CNTNAP2: variants seen among roughly 807,000 people sequenced by gnomAD.
CNTNAP2 encodes contactin-associated protein-like 2.
Under a neutral mutation model 155.2 loss-of-function variants are expected in CNTNAP2, and 98 were observed. That is an observed-to-expected ratio of 0.63 (90% CI 0.54 to 0.75). The LOEUF is 0.75. CNTNAP2 is among the 30% of genes least tolerant of loss of function. CNTNAP2 has a pLI of 0.00. For synonymous variants in CNTNAP2, 651 were observed against 631.2 expected (o/e 1.03, Z -0.47); for missense variants, 1,727 against 1,688.1 (o/e 1.02, Z -0.40).
intron 21 of CNTNAP2, among the ~76,000 whole-genome samples, chr7:148,294,910 C>T (rs1342943549): frequency 2.6e-5 from 4 of 152,044 alleles, no homozygotes; most frequent in Non-Finnish European, 5.9e-5. Flanking sequence ...AATTGTGTTA[C>T]CAACCAGCAT....
chr7:147,138,070 G>C (rs1801523657), intron 8 of CNTNAP2, among the ~76,000 whole-genome samples: 1 of 151,776 alleles, frequency 6.6e-6, no homozygotes, highest in African/African-American at 2.4e-5. Context: ...TACAAAATAA[G>C]TGGCTAAAAA....
At chr7:148,179,319 G>A (rs750648826) in intron 18 of CNTNAP2, among the ~76,000 whole-genome samples, 1 of 152,082 alleles carries the variant, frequency 6.6e-6, no homozygotes, top group Non-Finnish European at 1.5e-5. Flanking sequence ...GACCAGCCTG[G>A]GCAACATAGT....
intron 4 of CNTNAP2, among the ~76,000 whole-genome samples, chr7:147,095,530 T>A (rs954080664): frequency 6.6e-6 from 1 of 151,476 alleles, no homozygotes; most frequent in Admixed American, 6.6e-5. Context: ...TATGTATATA[T>A]ATATATTTTC....
intron 1 of CNTNAP2, among the ~76,000 whole-genome samples, chr7:146,656,458 G>A (rs1454751048): frequency 6.6e-6 from 1 of 152,178 alleles, no homozygotes; most frequent in African/African-American, 2.4e-5. Context: ...ACTGATCCAT[G>A]TCAAATTCAG....
intron 1 of CNTNAP2, among the ~76,000 whole-genome samples, chr7:146,616,078 C>A (rs1346046976): frequency 6.6e-6 from 1 of 151,842 alleles, no homozygotes; most frequent in East Asian, 1.9e-4. Flanking sequence ...TTGTTTTTTT[C>A]CTATTGCAGT....
rs564223758 is a variant in CNTNAP2, at chr7:146,264,282, A to G, written c.97+147309A>G. The stretch of plus-strand genomic sequence containing the variant: ...AACGTGATGAAACCCCATCTCTACT[A>G]AAAAATACAAAAACTAAAAATTAGC... On this transcript the variant is annotated intron_variant, in intron 1 of 23. Transcript: ENST00000361727. Among the ~76,000 whole-genome samples, 17 of 151,852 alleles carry G rather than the reference A, an allele frequency of 1.1e-4. No homozygotes were observed. The South Asian group carries it at 3.5e-3, about 32-fold the overall frequency.
At chr7:146,475,159 T>C (rs1796859770) in intron 1 of CNTNAP2, among the ~76,000 whole-genome samples, 1 of 152,236 alleles carries the variant, frequency 6.6e-6, no homozygotes, top group Admixed American at 6.5e-5. Context: ...TTTGAACTTT[T>C]GGATAACAAA....
At chr7:146,823,773 C>A (rs1167197108) in intron 2 of CNTNAP2, among the ~76,000 whole-genome samples, 1 of 151,892 alleles carries the variant, frequency 6.6e-6, no homozygotes, top group East Asian at 1.9e-4. Flanking sequence ...ATAATAATTT[C>A]AAAAACTATG....
chr7:147,366,547 C>T (rs1466512788), intron 9 of CNTNAP2, among the ~76,000 whole-genome samples: 4 of 151,784 alleles, frequency 2.6e-5, no homozygotes, highest in Non-Finnish European at 5.9e-5. Flanking sequence ...TTTGTATTGA[C>T]TTTTCATTTT....
At chr7:147,585,590 C>T (rs1237649402) in intron 12 of CNTNAP2, among the ~76,000 whole-genome samples, 1 of 148,408 alleles carries the variant, frequency 6.7e-6, no homozygotes, top group African/African-American at 2.5e-5. Context: ...TGTGGAATCA[C>T]AACTAGAAAT....
chr7:146,194,648 A>G (rs564811433), intron 1 of CNTNAP2, among the ~76,000 whole-genome samples: 8 of 152,322 alleles, frequency 5.3e-5, no homozygotes, highest in Admixed American at 1.3e-4. Context: ...ATTGTAAAAT[A>G]TAGGCTAATC....
chr7:147,304,401 T>C (rs1297944216), intron 9 of CNTNAP2, among the ~76,000 whole-genome samples: 3 of 152,240 alleles, frequency 2.0e-5, no homozygotes, highest in Admixed American at 2.0e-4. Flanking sequence ...ATTGACTGTT[T>C]ACGTGGTAAT....
intron 1 of CNTNAP2, among the ~76,000 whole-genome samples, chr7:146,533,914 A>G (rs1005426096): frequency 2.9e-4 from 44 of 152,190 alleles, no homozygotes; most frequent in Non-Finnish European, 5.9e-5. Flanking sequence ...TGTTATTGGC[A>G]ATAACATAAG....
intron 9 of CNTNAP2, among the ~76,000 whole-genome samples, chr7:147,338,654 ATAAC>A (rs1795705133): frequency 6.6e-6 from 1 of 152,152 alleles, no homozygotes; most frequent in Non-Finnish European, 1.5e-5. Flanking sequence ...GTTACAGAGA[ATAAC>A]TAAAACATTT....
chr7:147,693,535 T>C (rs1796119907), intron 13 of CNTNAP2, among the ~76,000 whole-genome samples: 1 of 152,050 alleles, frequency 6.6e-6, no homozygotes, highest in South Asian at 2.1e-4. Flanking sequence ...TTTCCTGTTA[T>C]AGCTCTTGTG....
At chr7:146,910,806 G>A (rs1311726473) in intron 3 of CNTNAP2, among the ~76,000 whole-genome samples, 3 of 147,238 alleles carry the variant, frequency 2.0e-5, no homozygotes, top group African/African-American at 5.1e-5. Context: ...TTGACAAATG[G>A]GATCTAATTA....
chr7:146,448,700 A>G (rs952440855), intron 1 of CNTNAP2, among the ~76,000 whole-genome samples: 1 of 152,104 alleles, frequency 6.6e-6, no homozygotes, highest in Admixed American at 6.6e-5. Context: ...AGCATAATAA[A>G]TGGATATTGG....
At chr7:146,610,576 A>T (rs1799120059) in intron 1 of CNTNAP2, among the ~76,000 whole-genome samples, 1 of 151,776 alleles carries the variant, frequency 6.6e-6, no homozygotes, top group Non-Finnish European at 1.5e-5. Context: ...TTAATATTCT[A>T]CTATCATCTC....
At chr7:147,338,988 C>G (rs895448515) in intron 9 of CNTNAP2, among the ~76,000 whole-genome samples, 2 of 152,078 alleles carry the variant, frequency 1.3e-5, no homozygotes, top group African/African-American at 2.4e-5. Flanking sequence ...GTACTTGTAT[C>G]TGTATTTTAA....
Sources: gnomAD v4.1 joint callset for allele counts (sites outside exome capture counted in the v4.1 genomes callset) on GRCh38, gnomAD v4.1.1 for gene constraint, MANE v1.5 for transcripts, NCBI Gene and HGNC (gene_info 2026-07-23, HGNC 2026-07-21) for gene names.